Variants in DNAH14 observed in about 807,000 individuals in gnomAD.
DNAH14 encodes dynein axonemal heavy chain 14.
A neutral mutation model predicts 520.9 loss-of-function variants in DNAH14; 478 were observed. The observed-to-expected ratio is 0.92, with a 90% CI of 0.85 to 0.99. DNAH14 has a LOEUF of 0.99. Among genes scored for constraint, DNAH14 ranks in the 50% least tolerant of loss-of-function variants. The pLI is 0.00. For synonymous variants in DNAH14, 1,581 were observed against 1,757.2 expected (o/e 0.90, Z 2.51); for missense variants, 4,831 against 5,234.5 (o/e 0.92, Z 2.38).
At chr1:225,006,270 ATTGT>A (rs1269740229) in intron 9 of DNAH14, among the ~76,000 whole-genome samples, 1 of 152,152 alleles carries the variant, frequency 6.6e-6, no homozygotes, top group Non-Finnish European at 1.5e-5. Context: ...ATCTGTACAA[ATTGT>A]TTGTAAAACA....
intron 36 of DNAH14, among the ~76,000 whole-genome samples, chr1:225,174,224 C>T (rs1334056592): frequency 6.6e-6 from 1 of 152,010 alleles, no homozygotes; most frequent in Admixed American, 6.6e-5. Context: ...AACTAACCTG[C>T]ACATTGTGCA....
chr1:225,209,448 CATGTT>C (rs1417906376), intron 41 of DNAH14, among the ~76,000 whole-genome samples: 1 of 152,138 alleles, frequency 6.6e-6, no homozygotes, highest in Non-Finnish European at 1.5e-5. Flanking sequence ...TACAGGTTCT[CATGTT>C]ATAGCCTCAT....
At chr1:225,235,843 T>C (rs374189377) in intron 42 of DNAH14, among the ~76,000 whole-genome samples, 2 of 152,314 alleles carry the variant, frequency 1.3e-5, no homozygotes, top group Admixed American at 6.5e-5. Flanking sequence ...TTTGTAGTAT[T>C]CTCCAATGGT....
intron 36 of DNAH14, among the ~76,000 whole-genome samples, chr1:225,169,789 A>G (rs1202650253): frequency 6.6e-6 from 1 of 152,196 alleles, no homozygotes; most frequent in Non-Finnish European, 1.5e-5. Flanking sequence ...ATACTCCTTG[A>G]GAAGAGTAAC....
At chr1:225,336,047 A>ATATATATG (rs1553337815) in intron 66 of DNAH14, among the ~76,000 whole-genome samples, 3 of 27,064 alleles carry the variant, frequency 1.1e-4, no homozygotes, top group Admixed American at 4.4e-4. Flanking sequence ...ACATATATGC[A>ATATATATG]TATATACATA....
At chr1:225,028,320 G>T (rs1327614035) in intron 11 of DNAH14, among the ~76,000 whole-genome samples, 1 of 151,922 alleles carries the variant, frequency 6.6e-6, no homozygotes, top group Non-Finnish European at 1.5e-5. Context: ...TTATAGATTT[G>T]TTTAGATTTT....
chr1:225,241,266 C>T (rs958189462), intron 43 of DNAH14, among the ~76,000 whole-genome samples: 2 of 152,022 alleles, frequency 1.3e-5, no homozygotes, highest in African/African-American at 4.8e-5. Flanking sequence ...GGAATCCATC[C>T]TATTACTTTG....
chr1:225,147,015 A>G (rs913646322), intron 30 of DNAH14, 89 bp from the exon 31 acceptor site: 11 of 1,062,938 alleles, frequency 1.0e-5, no homozygotes, highest in Non-Finnish European at 1.4e-5. Flanking sequence ...TTTGGGTAGC[A>G]TGGGGAGAAC....
intron 37 of DNAH14, among the ~76,000 whole-genome samples, chr1:225,189,024 T>C (rs1309353456): frequency 1.3e-5 from 2 of 151,946 alleles, no homozygotes; most frequent in African/African-American, 2.4e-5. Context: ...GAAGTTTACT[T>C]CTCTTCCTAG....
At chr1:225,344,302 T>G (rs2095251337) in intron 69 of DNAH14, among the ~76,000 whole-genome samples, 1 of 152,084 alleles carries the variant, frequency 6.6e-6, no homozygotes, top group Admixed American at 6.5e-5. Flanking sequence ...CATGGGGGTT[T>G]GTTGTACAGA....
chr1:225,294,776 A>G (rs2093970157), intron 55 of DNAH14, among the ~76,000 whole-genome samples: 1 of 151,862 alleles, frequency 6.6e-6, no homozygotes, highest in Admixed American at 6.6e-5. Flanking sequence ...ATGAGCCGAG[A>G]TGGTACCACT....
chr1:225,165,720 A>G (rs956910215), intron 35 of DNAH14, among the ~76,000 whole-genome samples: 2 of 151,760 alleles, frequency 1.3e-5, no homozygotes, highest in Admixed American at 6.6e-5. Flanking sequence ...AGTAGCTAGG[A>G]CTACAGGCAC....
At chr1:225,058,493 A>T (rs1397507035) in intron 17 of DNAH14, among the ~76,000 whole-genome samples, 1 of 152,106 alleles carries the variant, frequency 6.6e-6, no homozygotes, top group Non-Finnish European at 1.5e-5. Context: ...TCCTGGATTC[A>T]TTGATTTTTT....
Position 225,231,153 on chromosome 1 carries a change from T to C in DNAH14, c.6518+2T>C. 1 of 1,532,922 alleles carries C rather than the reference T, an allele frequency of 6.5e-7. No individual in the cohort carries two copies. The allele number at this position is 1,532,922 out of a possible 1,614,324, so 95.0% of individuals were successfully genotyped here. A position where few individuals can be genotyped will look rare whatever the true frequency, so the allele number is the denominator to read the frequency against. ...CACATTCAAGGATATAGAAAAGAGG[T>C]CAGTTACATTCCTTCAGAAAACATG... On this transcript the variant is annotated splice_donor_variant, in intron 42 of 85. Transcript: ENST00000682510. LOFTEE classifies it high-confidence loss of function.
At chr1:225,130,619 A>G (rs530283430) in intron 27 of DNAH14, among the ~76,000 whole-genome samples, 2 of 137,520 alleles carry the variant, frequency 1.5e-5, no homozygotes, top group East Asian at 2.2e-4. Flanking sequence ...GAATTGAACA[A>G]TGAGAACACA....
chr1:224,980,238 A>C (rs560276416), intron 8 of DNAH14, among the ~76,000 whole-genome samples: 1 of 152,232 alleles, frequency 6.6e-6, no homozygotes, highest in South Asian at 2.1e-4. Flanking sequence ...CTGGACCTGC[A>C]CTGGGACAGA....
Position 225,334,962 on chromosome 1 carries a change from ATCC to A in DNAH14, c.10080+1459_10080+1461del, listed in dbSNP as rs1273419690. Among the ~76,000 whole-genome samples the A allele has an allele frequency of 3.4e-5, 5 of 147,326 alleles. No individual in the cohort carries two copies. In the South Asian group the frequency reaches 6.2e-4, roughly 18 times the overall value. ...ACGATATATGTAGAGACCTCAAGCAATCCTCAAGTTATAAGACTATACATATAT... is the reference window on the plus strand; with the variant it reads ...ACGATATATGTAGAGACCTCAAGCAATCAAGTTATAAGACTATACATATAT... On this transcript the variant is annotated intron_variant, in intron 66 of 85. Coordinates refer to ENST00000682510, the MANE Select transcript of DNAH14 (RefSeq NM_001367479.1).
Position 225,079,487 on chromosome 1 carries a change from G to A in DNAH14, c.2705G>A (p.Arg902Lys). ...INKDTAITKF[R>K]DNLEACISGL... ...AAAGACACTGCTATAACTAAATTCA[G>A]AGATAACTTGGAAGCATGTATCAGT... The change falls in exon 18 of 86, where the codon AGA (arginine) becomes AAA (lysine). Residue 902 changes from arginine to lysine, a missense_variant. Physicochemically the swap from Arg to Lys is conservative, Grantham distance 26. Transcript: ENST00000682510. 1.3e-6 allele frequency: 2 copies of A among 1,541,612 alleles called. No homozygotes were observed. The highest frequency in any genetic ancestry group is 1.7e-6 in the Non-Finnish European group (2 of 1,144,890).
At chr1:225,278,276 A>G (rs2093540716) in intron 54 of DNAH14, among the ~76,000 whole-genome samples, 1 of 152,250 alleles carries the variant, frequency 6.6e-6, no homozygotes, top group Non-Finnish European at 1.5e-5. Context: ...TGGTATCACC[A>G]TATATCCACT....
Sources: gnomAD v4.1 joint callset for allele counts (sites outside exome capture counted in the v4.1 genomes callset) on GRCh38, gnomAD v4.1.1 for gene constraint, MANE v1.5 for transcripts, NCBI Gene and HGNC (gene_info 2026-07-23, HGNC 2026-07-21) for gene names.